FNDC3B: variants seen among roughly 807,000 people sequenced by gnomAD.
FNDC3B encodes fibronectin type III domain-containing protein 3B.
A neutral mutation model predicts 151.5 loss-of-function variants in FNDC3B; 12 were observed. The observed-to-expected ratio is 0.08, with a 90% confidence interval of 0.05 to 0.13. The LOEUF (loss-of-function observed/expected upper bound fraction) is 0.13. Among genes scored for constraint, FNDC3B ranks in the 10% least tolerant of loss-of-function variants. The pLI is 1.00. For synonymous variants in FNDC3B, 528 were observed against 549.0 expected (o/e 0.96, Z 0.54); for missense variants, 1,214 against 1,505.3 (o/e 0.81, Z 3.20).
chr3:172,389,369 A>G (rs1735887711), intron 25 of FNDC3B, among the ~76,000 whole-genome samples: 1 of 152,164 alleles, frequency 6.6e-6, no homozygotes, highest in Admixed American at 6.5e-5. Context: ...ACACTGGTCT[A>G]TGTGAATTTG....
At chr3:172,198,476 C>G (rs1724965086) in intron 3 of FNDC3B, among the ~76,000 whole-genome samples, 1 of 152,116 alleles carries the variant, frequency 6.6e-6, no homozygotes, top group African/African-American at 2.4e-5. Flanking sequence ...AATTCTGATC[C>G]AACACTCAAG....
In FNDC3B at chr3:172,133,697, A is replaced by G. The variant is rs780989362; in HGVS notation, c.187+151A>G. The G allele has an allele frequency of 4.9e-5, 35 of 715,480 alleles. No individual in the cohort carries two copies. In the Middle Eastern group the frequency reaches 1.0e-3, roughly 21 times the overall value. 44.3% of individuals were successfully genotyped at this position (715,480 alleles called of 1,614,324 possible). A position where few individuals can be genotyped will look rare whatever the true frequency, so the allele number is the denominator to read the frequency against. ...CTTTTTTTTTCTGTCGCATGGTCTCAAATATATATTATGATGTTATCCAAA... is the reference window on the plus strand; with the variant it reads ...CTTTTTTTTTCTGTCGCATGGTCTCGAATATATATTATGATGTTATCCAAA... On this transcript the variant is annotated intron_variant, in intron 3 of 25. Coordinates refer to ENST00000415807, the MANE Select transcript of FNDC3B (RefSeq NM_022763.4).
chr3:172,382,389 T>C (rs1451765194), intron 25 of FNDC3B, among the ~76,000 whole-genome samples: 1 of 152,214 alleles, frequency 6.6e-6, no homozygotes, highest in Non-Finnish European at 1.5e-5. Flanking sequence ...GATGGATAGA[T>C]TGCAAAATTT....
chr3:172,250,462 A>G (rs1728007295), intron 5 of FNDC3B, among the ~76,000 whole-genome samples: 1 of 152,210 alleles, frequency 6.6e-6, no homozygotes, highest in Non-Finnish European at 1.5e-5. Context: ...TTTGTATGCC[A>G]CAGAAAACTT....
chr3:172,343,730 T>G (rs1733458508), intron 18 of FNDC3B, among the ~76,000 whole-genome samples: 1 of 152,210 alleles, frequency 6.6e-6, no homozygotes, highest in African/African-American at 2.4e-5. Context: ...GGGTCCTGTA[T>G]TTTGATTTAG....
intron 3 of FNDC3B, among the ~76,000 whole-genome samples, chr3:172,166,207 T>C (rs896779204): frequency 6.6e-6 from 1 of 152,212 alleles, no homozygotes; most frequent in Admixed American, 6.5e-5. Flanking sequence ...CACCATCTTA[T>C]AGCTGGGCTT....
chr3:172,177,011 T>A (rs1333019404), intron 3 of FNDC3B, among the ~76,000 whole-genome samples: 1 of 152,136 alleles, frequency 6.6e-6, no homozygotes, highest in Admixed American at 6.5e-5. Flanking sequence ...ATAAGATTCT[T>A]GGTGAAGACA....
At chr3:172,367,418 A>G (rs937241958) in intron 23 of FNDC3B, among the ~76,000 whole-genome samples, 4 of 152,228 alleles carry the variant, frequency 2.6e-5, no homozygotes, top group African/African-American at 9.6e-5. Flanking sequence ...AGCAAAACAA[A>G]AATTAAATTA....
At chr3:172,222,772 A>T (rs954017629) in intron 3 of FNDC3B, among the ~76,000 whole-genome samples, 2 of 152,164 alleles carry the variant, frequency 1.3e-5, no homozygotes, top group African/African-American at 4.8e-5. Flanking sequence ...CCATTTCCTA[A>T]CTGGCCACAA....
At chr3:172,283,696 C>G (rs1576871422) in intron 6 of FNDC3B, among the ~76,000 whole-genome samples, 1 of 152,128 alleles carries the variant, frequency 6.6e-6, no homozygotes, top group South Asian at 2.1e-4. Flanking sequence ...AACAACTGAA[C>G]CAGTTCATTT....
intron 6 of FNDC3B, among the ~76,000 whole-genome samples, chr3:172,269,858 A>G (rs1020556826): frequency 3.9e-5 from 6 of 152,070 alleles, no homozygotes; most frequent in Non-Finnish European, 5.9e-5. Context: ...AGTGTTAGCC[A>G]GGATGGTCTC....
chr3:172,279,029 A>T, intron 6 of FNDC3B, among the ~76,000 whole-genome samples: 1 of 152,204 alleles, frequency 6.6e-6, no homozygotes, highest in Non-Finnish European at 1.5e-5. Flanking sequence ...TTTCTTAGGG[A>T]ATCTGACAGA....
intron 1 of FNDC3B, among the ~76,000 whole-genome samples, chr3:172,055,682 G>A (rs1056574026): frequency 6.6e-6 from 1 of 152,128 alleles, no homozygotes; most frequent in South Asian, 2.1e-4. Context: ...CCTTGCTTTC[G>A]TGAGGAGCAG....
intron 11 of FNDC3B, among the ~76,000 whole-genome samples, chr3:172,323,356 T>C (rs1576910824): frequency 6.6e-6 from 1 of 151,712 alleles, no homozygotes; most frequent in Admixed American, 6.6e-5. Context: ...AAGAAAAAAA[T>C]TGAAAATTTA....
intron 6 of FNDC3B, among the ~76,000 whole-genome samples, chr3:172,271,724 G>A (rs1729210244): frequency 6.6e-6 from 1 of 152,192 alleles, no homozygotes; most frequent in Non-Finnish European, 1.5e-5. Flanking sequence ...GCATCAGAAA[G>A]CCGTGCAGAC....
chr3:172,062,109 A>C (rs763548104), intron 1 of FNDC3B, among the ~76,000 whole-genome samples: 46 of 152,276 alleles, frequency 3.0e-4, no homozygotes, highest in Admixed American at 7.2e-4. Flanking sequence ...CATGCAATAA[A>C]GGACATGTCC....
Position 172,298,625 on chromosome 3 carries a change from T to G in FNDC3B, c.1002-103T>G, listed in dbSNP as rs1423142967. ...TGGTTTATGGTGGAATCTGACATAA[T>G]AGTTCATGAATTATTGTCAGTACAT... On this transcript the variant is annotated intron_variant, in intron 8 of 25. Coordinates refer to ENST00000415807, the MANE Select transcript of FNDC3B (RefSeq NM_022763.4). The G allele has an allele frequency of 5.1e-6, 3 of 585,338 alleles. No homozygotes were observed. In the African/African-American group the frequency reaches 5.8e-5, roughly 11 times the overall value. 36.3% of individuals were successfully genotyped at this position (585,338 alleles called of 1,614,324 possible). A position where few individuals can be genotyped will look rare whatever the true frequency, so the allele number is the denominator to read the frequency against.
intron 3 of FNDC3B, among the ~76,000 whole-genome samples, chr3:172,149,231 A>C (rs12634176): frequency 0.22 from 33,155 of 152,192 alleles, 3,864 homozygotes; most frequent in Admixed American, 0.31. Flanking sequence ...TCACTTGAAA[A>C]GTCATTGGAC....
At chr3:172,046,842 T>G (rs910776301) in intron 1 of FNDC3B, 1 of 152,196 alleles carries the variant, frequency 6.6e-6, no homozygotes, top group African/African-American at 2.4e-5. Context: ...TTTGTTGAGA[T>G]CTAGACCAGG....
Sources: allele counts gnomAD v4.1 joint callset (sites outside exome capture counted in the v4.1 genomes callset), GRCh38; gene constraint gnomAD v4.1.1; transcripts MANE v1.5; gene names NCBI Gene and HGNC (gene_info 2026-07-23, HGNC 2026-07-21).